The following ZFAT variants were observed in gnomAD, a reference collection of about 807,000 sequenced individuals.
ZFAT encodes zinc finger protein ZFAT.
A neutral mutation model predicts 117.7 loss-of-function variants in ZFAT; 64 were observed. The observed-to-expected ratio is 0.54, with a 90% CI of 0.44 to 0.67. The LOEUF (loss-of-function observed/expected upper bound fraction) is 0.67, where lower values mean the gene tolerates loss of function less well. Ranked by LOEUF, ZFAT falls within the 30% of genes least tolerant of loss-of-function variation. The pLI is 0.00. For missense variants in ZFAT, 1,433 were observed against 1,584.5 expected (o/e 0.90, Z 1.62); for synonymous variants, 679 against 615.0 (o/e 1.10, Z -1.54).
chr8:134,822,997 T>C, the ZFAT span, among the ~76,000 whole-genome samples: 3 of 152,158 alleles, frequency 2.0e-5, no homozygotes, highest in Non-Finnish European at 4.4e-5. Flanking sequence ...CTAAGGAATA[T>C]GAAAGTTTAG....
At chr8:134,807,279 C>T in the ZFAT span, among the ~76,000 whole-genome samples, 1 of 152,210 alleles carries the variant, frequency 6.6e-6, no homozygotes, top group Non-Finnish European at 1.5e-5. Context: ...GATACCTAAA[C>T]ACATCTCTTC....
chr8:134,808,678 A>G, the ZFAT span, among the ~76,000 whole-genome samples: 1 of 152,350 alleles, frequency 6.6e-6, no homozygotes, highest in African/African-American at 2.4e-5. Context: ...CTGTCCAACA[A>G]CAAAGTACAC....
At chr8:134,504,472 G>T (rs1819243409) in intron 15 of ZFAT, among the ~76,000 whole-genome samples, 1 of 152,154 alleles carries the variant, frequency 6.6e-6, no homozygotes, top group Non-Finnish European at 1.5e-5. Context: ...GCAGTAGCTG[G>T]CTCGGTGAAC....
intron 11 of ZFAT, among the ~76,000 whole-genome samples, chr8:134,547,003 G>C (rs1185860038): frequency 6.6e-6 from 1 of 152,128 alleles, no homozygotes; most frequent in Admixed American, 6.5e-5. Context: ...CTCAAGGAGG[G>C]GACCCCAAAT....
chr8:134,709,081 C>T (rs935538369), intron 1 of ZFAT, among the ~76,000 whole-genome samples: 7 of 152,162 alleles, frequency 4.6e-5, no homozygotes, highest in African/African-American at 1.4e-4. Context: ...AGGCTGAGTT[C>T]AATACCAGCC....
chr8:134,680,965 A>C (rs1017637920), intron 1 of ZFAT, among the ~76,000 whole-genome samples: 6 of 152,250 alleles, frequency 3.9e-5, no homozygotes, highest in Admixed American at 2.0e-4. Flanking sequence ...ACACATTTAA[A>C]AAAATAACTG....
chr8:134,549,236 T>A (rs1822941180), intron 11 of ZFAT, among the ~76,000 whole-genome samples: 1 of 151,816 alleles, frequency 6.6e-6, no homozygotes, highest in Non-Finnish European at 1.5e-5. Flanking sequence ...GGTCAAGAGA[T>A]CGAGACCATC....
At chr8:134,698,578 G>A (rs144447246) in intron 1 of ZFAT, among the ~76,000 whole-genome samples, 4 of 152,156 alleles carry the variant, frequency 2.6e-5, no homozygotes, top group South Asian at 2.1e-4. Flanking sequence ...CACACAAATC[G>A]CTCATGCCCC....
chr8:134,500,402 A>C (rs6421008), intron 15 of ZFAT, among the ~76,000 whole-genome samples: 142,290 of 152,324 alleles, frequency 0.93, 66,540 homozygotes, highest in East Asian at 1. Flanking sequence ...AGATGAGCAT[A>C]CTCAGGTTAG....
In ZFAT at chr8:134,648,185, GAGAA is replaced by G. The variant is rs1342253050; in HGVS notation, c.196+9372_196+9375del. Among the ~76,000 whole-genome samples the G allele has an allele frequency of 7.3e-5, 11 of 151,542 alleles. No homozygotes were observed. The East Asian group carries it at 1.7e-3, about 24-fold the overall frequency. ...TGTCAAGTATACCTTAATAAAGCTG[GAGAA>G]AGAAAGAGAGAGAAGGATCTGAAAG... On this transcript the variant is annotated intron_variant, in intron 2 of 15. Transcript: ENST00000377838.
the ZFAT span, chr8:134,794,604 G>A: frequency 1.3e-5 from 2 of 152,302 alleles, no homozygotes; most frequent in Admixed American, 1.3e-4. Flanking sequence ...AACTGCCTGA[G>A]GCAGGCTTAA....
At chr8:134,721,484 C>A in the ZFAT span, among the ~76,000 whole-genome samples, 1 of 152,172 alleles carries the variant, frequency 6.6e-6, no homozygotes, top group Non-Finnish European at 1.5e-5. Context: ...GAGGCAGCTG[C>A]ACTCGGGTGT....
chr8:134,825,975 T>G, the ZFAT span, among the ~76,000 whole-genome samples: 14 of 150,098 alleles, frequency 9.3e-5, no homozygotes, highest in Non-Finnish European at 2.1e-4. Flanking sequence ...GAGCCGAGAT[T>G]GCGCCACTGC....
chr8:134,723,810 A>G, the ZFAT span: 1 of 152,194 alleles, frequency 6.6e-6, no homozygotes, highest in Non-Finnish European at 1.5e-5. Flanking sequence ...TCAGAAGCAC[A>G]TTTATGAAGT....
chr8:134,782,494 G>A, the ZFAT span, among the ~76,000 whole-genome samples: 1 of 152,208 alleles, frequency 6.6e-6, no homozygotes, highest in East Asian at 1.9e-4. Context: ...GTTGATTTAA[G>A]GAAATACATG....
In ZFAT at chr8:134,675,124, G is replaced by A. The variant is rs866477404; in HGVS notation, c.20-17387C>T. Among the ~76,000 whole-genome samples, 6 of 152,328 alleles carry A rather than the reference G, an allele frequency of 3.9e-5. 1 individual carries two copies. In the Middle Eastern group the frequency reaches 0.017, roughly 432 times the overall value. ...GAATGAGTTTGACAAATTGACAGAAGTAGGCTTCAGAAGGTGGGTAATAAA... is the reference window on the plus strand; with the variant it reads ...GAATGAGTTTGACAAATTGACAGAAATAGGCTTCAGAAGGTGGGTAATAAA... On this transcript the variant is annotated intron_variant, in intron 1 of 15. Transcript: ENST00000377838.
At chr8:134,677,959 C>T (rs201695036) in intron 1 of ZFAT, among the ~76,000 whole-genome samples, 1 of 152,082 alleles carries the variant, frequency 6.6e-6, no homozygotes, top group African/African-American at 2.4e-5. Flanking sequence ...AAAATAATAA[C>T]AGCTATTTAT....
At chr8:134,645,781 C>G (rs1830852548) in intron 2 of ZFAT, among the ~76,000 whole-genome samples, 1 of 152,164 alleles carries the variant, frequency 6.6e-6, no homozygotes, top group African/African-American at 2.4e-5. Context: ...CCCTATAAAC[C>G]AACAAATTCT....
chr8:134,504,154 G>A (rs1304332495), intron 15 of ZFAT, among the ~76,000 whole-genome samples: 1 of 152,110 alleles, frequency 6.6e-6, no homozygotes, highest in East Asian at 1.9e-4. Context: ...CCATTCGTAT[G>A]TGCACATGGA....
Sources: gnomAD v4.1 joint callset for allele counts (sites outside exome capture counted in the v4.1 genomes callset) on GRCh38, gnomAD v4.1.1 for gene constraint, MANE v1.5 for transcripts, NCBI Gene and HGNC (gene_info 2026-07-23, HGNC 2026-07-21) for gene names.